HTR5A: variants seen among roughly 807,000 people sequenced by gnomAD.
HTR5A encodes 5-hydroxytryptamine receptor 5A, also known as 5-HT-5.
Under a neutral mutation model 24.3 loss-of-function variants are expected in HTR5A, and 21 were observed. That is an observed-to-expected ratio of 0.86 (90% CI 0.61 to 1.24). HTR5A has a LOEUF of 1.24. Ranked by LOEUF, HTR5A falls within the 50% of genes most tolerant of loss-of-function variation. The probability of loss-of-function intolerance (pLI) is 0.00; values close to 1 mark genes in which losing one functional copy is unlikely to be tolerated. For missense variants in HTR5A, 497 were observed against 489.5 expected (o/e 1.02, Z -0.15); for synonymous variants, 260 against 213.7 (o/e 1.22, Z -1.89).
chr7:155,079,108 C>A (rs1162857893), intron 1 of HTR5A, among the ~76,000 whole-genome samples: 1 of 151,948 alleles, frequency 6.6e-6, no homozygotes, highest in Non-Finnish European at 1.5e-5. Context: ...GGATATGCCA[C>A]CACACCTGGC....
At chr7:155,074,821 A>G (rs191839226) in intron 1 of HTR5A, 1 of 152,226 alleles carries the variant, frequency 6.6e-6, no homozygotes, top group Non-Finnish European at 1.5e-5. Flanking sequence ...AGAGAAACCT[A>G]TGCAAAAAGA....
chr7:155,071,007 C>T lies in HTR5A; in HGVS notation c.108C>T (p.Leu36=). Residue 36 remains leucine, a synonymous_variant, in exon 1 of 2, where the codon CTC becomes CTT. Coordinates refer to ENST00000287907, the MANE Select transcript of HTR5A (RefSeq NM_024012.4). ...ACCTGCGCCCCAGCTCGCCCCTGCT[C>T]TCGGTCTTCGGAGTGCTTATTCTCA... is the stretch of plus-strand genomic sequence containing the variant. ...KDDLRPSSPL[L]SVFGVLILTL... is the part of the protein sequence containing the mutation. The T allele has an allele frequency of 6.2e-7, 1 of 1,611,998 alleles. No homozygotes were observed.
At chr7:155,082,785 C>T (rs898420895) in intron 1 of HTR5A, among the ~76,000 whole-genome samples, 1 of 152,198 alleles carries the variant, frequency 6.6e-6, no homozygotes, top group Non-Finnish European at 1.5e-5. Flanking sequence ...TGAATCCCCT[C>T]AAATGCATTT....
In HTR5A at chr7:155,070,803, T is replaced by C. The variant is rs773116886; in HGVS notation, c.-97T>C. The C allele has an allele frequency of 7.7e-6, 10 of 1,296,306 alleles. No individual in the cohort carries two copies. The highest frequency in any genetic ancestry group is 1.1e-5 in the Non-Finnish European group (10 of 943,908). The allele number at this position is 1,296,306 out of a possible 1,614,324, so 80.3% of individuals were successfully genotyped here. On this transcript the variant is annotated 5_prime_UTR_variant, in exon 1 of 2. Coordinates refer to ENST00000287907, the MANE Select transcript of HTR5A (RefSeq NM_024012.4). ...CAGAAACTCCCCCACTGGCCAGAGG[T>C]TGCAAACATCCGGATTGGCTCTGGG...
In HTR5A at chr7:155,084,272, G is replaced by A. The variant is rs1347815021; in HGVS notation, c.859G>A (p.Val287Met). The A allele has an allele frequency of 6.2e-7, 1 of 1,614,014 alleles. No individual in the cohort carries two copies. The highest frequency in any genetic ancestry group is 1.3e-5 in the African/African-American group (1 of 74,916). Reference protein sequence around the residue: ...EQKEQRAALMVGILIGVFVLC... With the variant: ...EQKEQRAALMMGILIGVFVLC... ...GAAGGAGCAGCGGGCCGCCCTCATG[G>A]TGGGCATCCTCATTGGCGTGTTCGT... Residue 287 changes from valine (V) to methionine (M), a missense_variant, in exon 2 of 2, where the codon GTG (valine) becomes ATG (methionine). Transcript: ENST00000287907.
intron 1 of HTR5A, among the ~76,000 whole-genome samples, chr7:155,082,607 G>T (rs1795430677): frequency 6.6e-6 from 1 of 152,216 alleles, no homozygotes; most frequent in African/African-American, 2.4e-5. Context: ...CTTTCCAGAG[G>T]GTTGAAGAGT....
In HTR5A at chr7:155,070,833, G is replaced by A. The variant is rs1795280438; in HGVS notation, c.-67G>A. On this transcript the variant is annotated 5_prime_UTR_variant, in exon 1 of 2. It adds an upstream start codon to the 5' untranslated region. Transcript: ENST00000287907. ...AACATCCGGATTGGCTCTGGGCACAGTGGCCGCCTTAAGTCCTCCTGAACA... is the reference window on the plus strand; with the variant it reads ...AACATCCGGATTGGCTCTGGGCACAATGGCCGCCTTAAGTCCTCCTGAACA... 6.7e-7 allele frequency: 1 copy of A among 1,502,720 alleles called. No individual in the cohort carries two copies. The highest frequency in any genetic ancestry group is 9.0e-7 in the Non-Finnish European group (1 of 1,116,924). 93.1% of individuals were successfully genotyped at this position (1,502,720 alleles called of 1,614,324 possible). A position where few individuals can be genotyped will look rare whatever the true frequency, so the allele number is the denominator to read the frequency against.
intron 1 of HTR5A, 150 bp from the exon 2 acceptor site, chr7:155,084,005 C>A: frequency 1.6e-6 from 1 of 619,574 alleles, no homozygotes; most frequent in Non-Finnish European, 2.8e-6. Context: ...TATCTGAGAG[C>A]GAGTGCCACA....
intron 1 of HTR5A, among the ~76,000 whole-genome samples, chr7:155,076,123 G>T (rs989680535): frequency 6.6e-6 from 1 of 152,192 alleles, no homozygotes; most frequent in African/African-American, 2.4e-5. Flanking sequence ...CTGTAGGTAC[G>T]TTATCTGTAA....
At position 155,070,766 on chromosome 7, in the gene HTR5A, A is replaced by C; in HGVS notation, c.-134A>C. The C allele has an allele frequency of 1.0e-6, 1 of 959,248 alleles. No homozygotes were observed. Among genetic ancestry groups the C allele is most frequent in the Non-Finnish European group, 1.6e-6 (1 of 639,270 alleles). The allele number at this position is 959,248 out of a possible 1,614,324, so 59.4% of individuals were successfully genotyped here. On this transcript the variant is annotated 5_prime_UTR_variant, in exon 1 of 2. Transcript: ENST00000287907. ...CTAGCAGGAAATTGGGGCCAAATTC[A>C]CAGGCACTTTCCAGAAACTCCCCCA...
chr7:155,080,648 G>T (rs909311669), intron 1 of HTR5A, among the ~76,000 whole-genome samples: 2 of 152,370 alleles, frequency 1.3e-5, no homozygotes, highest in Non-Finnish European at 1.5e-5. Flanking sequence ...ATGCTTGTCA[G>T]CAGTCTCCCA....
At chr7:155,072,920 C>T (rs1795312856) in intron 1 of HTR5A, among the ~76,000 whole-genome samples, 1 of 152,050 alleles carries the variant, frequency 6.6e-6, no homozygotes, top group Non-Finnish European at 1.5e-5. Flanking sequence ...AAGAAGAAAA[C>T]GAGGGGTCAG....
chr7:155,084,307 G>A lies in HTR5A; in HGVS notation c.894G>A (p.Trp298Ter). The A allele has an allele frequency of 1.2e-6, 2 of 1,614,102 alleles. No homozygotes were observed. Among genetic ancestry groups the A allele is most frequent in the Non-Finnish European group, 1.7e-6 (2 of 1,180,034 alleles). Reference protein sequence around the residue: ...GILIGVFVLCWIPFFLTELIS... With the variant: ...GILIGVFVLC ...TCATTGGCGTGTTCGTGCTCTGCTGGATCCCCTTCTTTCTCACCGAGCTCA... is the reference window on the plus strand; with the variant it reads ...TCATTGGCGTGTTCGTGCTCTGCTGAATCCCCTTCTTTCTCACCGAGCTCA... Residue 298 changes from tryptophan (W) to a stop codon, truncating the protein, a stop_gained, in exon 2 of 2, where the codon TGG becomes TGA. Transcript: ENST00000287907. LOFTEE classifies it high-confidence loss of function.
Position 155,071,253 on chromosome 7 carries a change from C to G in HTR5A, c.354C>G (p.Ile118Met). 5 of 1,605,492 alleles carry G rather than the reference C, an allele frequency of 3.1e-6. No homozygotes were observed. The South Asian group carries it at 5.5e-5, about 18-fold the overall frequency. The stretch of plus-strand genomic sequence containing the variant: ...GTCGGAGGCTGTGCCAGCTTTGGAT[C>G]GCGTGCGACGTGCTTTGCTGCACGG... ...QLGRRLCQLW[I>M]ACDVLCCTAS... The change falls in exon 1 of 2, where the codon ATC becomes ATG. Residue 118 changes from isoleucine (I) to methionine (M), a missense_variant. By Grantham distance (10) the Ile-to-Met change is conservative. Transcript: ENST00000287907.
At chr7:155,076,359 G>A (rs1376590974) in intron 1 of HTR5A, among the ~76,000 whole-genome samples, 1 of 151,062 alleles carries the variant, frequency 6.6e-6, no homozygotes, top group Non-Finnish European at 1.5e-5. Flanking sequence ...TTATTCTGGA[G>A]GTATACTAAT....
rs113935396 is a variant in HTR5A at position 155,084,262 on chromosome 7, C to G, written c.849C>G (p.Ala283=). The G allele has an allele frequency of 6.2e-7, 1 of 1,613,998 alleles. No individual in the cohort carries two copies. Among genetic ancestry groups the G allele is most frequent in the African/African-American group, 1.3e-5 (1 of 74,892 alleles). The change falls in exon 2 of 2, where the codon GCC becomes GCG. Residue 283 remains alanine, a synonymous_variant. Transcript: ENST00000287907. Reference sequence around the variant, plus strand: ...GGCGGGAGCAGAAGGAGCAGCGGGCCGCCCTCATGGTGGGCATCCTCATTG... The same window carrying G: ...GGCGGGAGCAGAAGGAGCAGCGGGCGGCCCTCATGGTGGGCATCCTCATTG... ...DTWREQKEQR[A]ALMVGILIGV...
intron 1 of HTR5A, among the ~76,000 whole-genome samples, chr7:155,081,971 T>A (rs979211335): frequency 1.3e-5 from 2 of 152,146 alleles, no homozygotes; most frequent in African/African-American, 4.8e-5. Flanking sequence ...CAACGTGGAG[T>A]TCTATGACTA....
intron 1 of HTR5A, among the ~76,000 whole-genome samples, chr7:155,075,752 T>G (rs1795352813): frequency 6.6e-6 from 1 of 152,236 alleles, no homozygotes; most frequent in Non-Finnish European, 1.5e-5. Context: ...GCTATTCTAT[T>G]CATCATGACT....
intron 1 of HTR5A, 123 bp from the exon 2 acceptor site, chr7:155,084,032 C>G (rs1380422888): frequency 4.0e-6 from 3 of 746,482 alleles, no homozygotes; most frequent in African/African-American, 3.5e-5. Context: ...CAGGTTCCCA[C>G]ACCTATCCAT....
Sources: allele counts gnomAD v4.1 joint callset (sites outside exome capture counted in the v4.1 genomes callset), GRCh38; gene constraint gnomAD v4.1.1; transcripts MANE v1.5; gene names NCBI Gene and HGNC (gene_info 2026-07-23, HGNC 2026-07-21).